Variants in LOXHD1 observed in about 807,000 individuals in gnomAD.
LOXHD1 encodes lipoxygenase homology PLAT domains 1, also known as lipoxygenase homology domain-containing protein 1.
Under a neutral mutation model 248.2 loss-of-function variants are expected in LOXHD1, and 205 were observed. That is an observed-to-expected ratio of 0.83 (90% CI 0.74 to 0.93). LOXHD1 has a LOEUF of 0.93. Among genes scored for constraint, LOXHD1 ranks in the 40% least tolerant of loss-of-function variants. The pLI, the probability that LOXHD1 is intolerant of heterozygous loss-of-function variation, is 0.00. For missense variants in LOXHD1, 2,930 were observed against 2,971.6 expected, an observed-to-expected ratio of 0.99 and a Z score of 0.33; for synonymous variants, 1,113 against 1,162.8, an observed-to-expected ratio of 0.96 and a Z score of 0.87.
Position 46,485,174 on chromosome 18 carries a change from G to A in LOXHD1, c.6050-23C>T, listed in dbSNP as rs149449375. On this transcript the variant is annotated intron_variant, in intron 38 of 40. Coordinates refer to ENST00000642948, the MANE Select transcript of LOXHD1 (RefSeq NM_001384474.1). ...AGGCTGTAATGGAGGAGGTGGGGGAGGGTCAGCACAGGGGAAGCAGTGCCC... is the reference window on the plus strand; with the variant it reads ...AGGCTGTAATGGAGGAGGTGGGGGAAGGTCAGCACAGGGGAAGCAGTGCCC... 118 of 1,544,988 alleles carry A rather than the reference G, an allele frequency of 7.6e-5. No individual in the cohort carries two copies. In the African/African-American group the frequency reaches 1.5e-3, roughly 20 times the overall value.
intron 12 of LOXHD1, among the ~76,000 whole-genome samples, chr18:46,589,012 G>C (rs554971628): frequency 6.6e-6 from 1 of 152,206 alleles, no homozygotes; most frequent in African/African-American, 2.4e-5. Flanking sequence ...GGCAGGGAAG[G>C]GCTGGCTAAG....
chr18:46,629,514 C>T (rs140657950), intron 4 of LOXHD1, among the ~76,000 whole-genome samples: 23 of 152,232 alleles, frequency 1.5e-4, no homozygotes, highest in African/African-American at 3.1e-4. Flanking sequence ...GCCCCTAATA[C>T]GTTAATCACC....
chr18:46,542,293 GAGC>G (rs2036596361), intron 24 of LOXHD1, among the ~76,000 whole-genome samples: 1 of 152,184 alleles, frequency 6.6e-6, no homozygotes, highest in Admixed American at 6.5e-5. Flanking sequence ...ATGCCAGGAA[GAGC>G]CTGTGTTTAC....
intron 34 of LOXHD1, among the ~76,000 whole-genome samples, chr18:46,511,017 G>A (rs564241157): frequency 4.6e-5 from 7 of 152,234 alleles, no homozygotes; most frequent in Admixed American, 6.5e-5. Context: ...AGAATTCTTC[G>A]CTTTGCATGT....
chr18:46,634,109 T>C (rs184363704), intron 4 of LOXHD1, among the ~76,000 whole-genome samples: 3 of 152,180 alleles, frequency 2.0e-5, no homozygotes, highest in African/African-American at 7.2e-5. Context: ...AAACAGGGAC[T>C]TGAACAAATA....
In LOXHD1 at chr18:46,577,515, G is replaced by A. The variant is rs75732171; in HGVS notation, c.1970+192C>T. On this transcript the variant is annotated intron_variant, in intron 14 of 40. Transcript: ENST00000642948. ...AACACACCACAGTGGTGTTCATCAC[G>A]GTGGTAGGGGGTGAGAAGGGAATGT... Among the ~76,000 whole-genome samples, 878 of 151,916 alleles carry A rather than the reference G, an allele frequency of 5.8e-3. 15 individuals are homozygous for A. The highest frequency in any genetic ancestry group is 0.056 in the East Asian group (288 of 5,158).
chr18:46,506,011 T>C lies in LOXHD1; in HGVS notation c.5705A>G (p.Asp1902Gly), dbSNP rs561817910. 1 of 1,552,222 alleles carries C rather than the reference T, an allele frequency of 6.4e-7. No homozygotes were observed. The highest frequency in any genetic ancestry group is 2.4e-5 in the East Asian group (1 of 40,928). ...GAAGATGATGATGAACACGTTGGCA[T>C]CAGTGCCTGCTCCTGGGGGGTGCAC... is the stretch of plus-strand genomic sequence containing the variant. ...KTSDILGAGT[D>G]ANVFIIIFGE... Residue 1902 changes from aspartate to glycine, a missense_variant, in exon 37 of 41, where the codon GAT becomes GGT. Asp to Gly is a moderately conservative substitution (Grantham distance 94). Coordinates refer to ENST00000642948, the MANE Select transcript of LOXHD1 (RefSeq NM_001384474.1).
At chr18:46,621,992 C>T (rs117825686) in intron 4 of LOXHD1, among the ~76,000 whole-genome samples, 14 of 152,310 alleles carry the variant, frequency 9.2e-5, no homozygotes, top group Admixed American at 2.0e-4. Flanking sequence ...GTGCTGTTGA[C>T]GTTCTCATTT....
At chr18:46,597,691 C>T (rs1284086954) in intron 8 of LOXHD1, among the ~76,000 whole-genome samples, 2 of 152,006 alleles carry the variant, frequency 1.3e-5, no homozygotes, top group Non-Finnish European at 2.9e-5. Flanking sequence ...ACTCTAAAAT[C>T]ATAACCAATC....
In LOXHD1 at chr18:46,594,315, G is replaced by C. The variant is rs775800514; in HGVS notation, c.1270+16C>G. On this transcript the variant is annotated intron_variant, in intron 9 of 40. Transcript: ENST00000642948. ...CTGGCTGAGAGGCCTCCAGGTTCTG[G>C]GTCTCTCTCACTTACTTTTCAGCCG... 1 of 1,551,342 alleles carries C rather than the reference G, an allele frequency of 6.4e-7. No individual in the cohort carries two copies.
chr18:46,553,390 T>C (rs1207594046), intron 21 of LOXHD1, among the ~76,000 whole-genome samples: 1 of 152,152 alleles, frequency 6.6e-6, no homozygotes, highest in Non-Finnish European at 1.5e-5. Context: ...CAAGGCCACA[T>C]AACAGTGGAA....
At chr18:46,509,845 G>T in intron 34 of LOXHD1, 30 bp from the exon 35 acceptor site, 2 of 1,464,298 alleles carry the variant, frequency 1.4e-6, no homozygotes, top group South Asian at 1.2e-5. Context: ...GCATGAAGAA[G>T]GGAAGCTGGC....
chr18:46,574,388 T>TATACACACACACACACACACACAC (rs2037812890), intron 14 of LOXHD1, among the ~76,000 whole-genome samples: 1 of 125,242 alleles, frequency 8.0e-6, no homozygotes. Flanking sequence ...TGTGTACACA[T>TATACACACACACACACACACACAC]ACACACACAC....
chr18:46,573,773 G>C (rs1214077837), intron 14 of LOXHD1, among the ~76,000 whole-genome samples: 1 of 152,154 alleles, frequency 6.6e-6, no homozygotes, highest in African/African-American at 2.4e-5. Flanking sequence ...ATTCCCATGA[G>C]ACCTTGCTCT....
chr18:46,604,354 C>A, intron 6 of LOXHD1, 125 bp from the exon 7 acceptor site: 2 of 1,305,310 alleles, frequency 1.5e-6, no homozygotes, highest in South Asian at 1.5e-5. Flanking sequence ...TTTCGTGGCC[C>A]AAGGAAAGCT....
At chr18:46,589,535 T>C (rs995693942) in intron 12 of LOXHD1, among the ~76,000 whole-genome samples, 52 of 152,250 alleles carry the variant, frequency 3.4e-4, no homozygotes, top group Non-Finnish European at 7.3e-5. Flanking sequence ...TTAGTATGCA[T>C]ACAAATTACT....
chr18:46,572,915 C>G (rs555356979), intron 14 of LOXHD1, among the ~76,000 whole-genome samples: 1 of 143,730 alleles, frequency 7.0e-6, no homozygotes, highest in Non-Finnish European at 1.5e-5. Flanking sequence ...CCCAGCTACT[C>G]GGGAGGCTGA....
chr18:46,537,391 A>C (rs898775721), intron 26 of LOXHD1, among the ~76,000 whole-genome samples: 3 of 152,164 alleles, frequency 2.0e-5, no homozygotes, highest in African/African-American at 7.2e-5. Context: ...TTAGCCTATG[A>C]CAGTGCCCTC....
At chr18:46,531,620 T>C (rs887118552) in intron 28 of LOXHD1, among the ~76,000 whole-genome samples, 1 of 152,218 alleles carries the variant, frequency 6.6e-6, no homozygotes, top group Non-Finnish European at 1.5e-5. Context: ...GAAAACTGAT[T>C]CAGCTTCTGA....
Sources: allele counts gnomAD v4.1 joint callset (sites outside exome capture counted in the v4.1 genomes callset), GRCh38; gene constraint gnomAD v4.1.1; transcripts MANE v1.5; gene names NCBI Gene and HGNC (gene_info 2026-07-23, HGNC 2026-07-21).